Variants in CA10 observed in about 807,000 individuals in gnomAD.
The protein encoded by CA10 is carbonic anhydrase-related protein 10.
A neutral mutation model predicts 44.2 loss-of-function variants in CA10; 14 were observed. The observed-to-expected ratio is 0.32, with a 90% CI of 0.21 to 0.50. CA10 has a LOEUF of 0.50. CA10 is among the 20% of genes least tolerant of loss of function. The probability of loss-of-function intolerance (pLI) is 0.99; values close to 1 mark genes in which losing one functional copy is unlikely to be tolerated. For missense variants in CA10, 350 were observed against 409.7 expected (o/e 0.85, Z 1.26); for synonymous variants, 159 against 141.6 (o/e 1.12, Z -0.87).
rs959671102 is a variant in CA10, at chr17:51,934,370, C to G, written c.137-3238G>C. On this transcript the variant is annotated intron_variant, in intron 2 of 8. Transcript: ENST00000451037. ...TACTGAGCCTCTGCTGCTCTAAACCCCTTCCTCTCCAGCAGGCTCTATACA... is the reference window on the plus strand; with the variant it reads ...TACTGAGCCTCTGCTGCTCTAAACCGCTTCCTCTCCAGCAGGCTCTATACA... Among the ~76,000 whole-genome samples, 9 of 80,590 alleles carry G rather than the reference C, an allele frequency of 1.1e-4. 1 individual carries two copies. Among genetic ancestry groups the G allele is most frequent in the Admixed American group, 2.3e-4 (2 of 8,816 alleles). The allele number at this position is 80,590 out of a possible 152,430, so 52.9% of individuals were successfully genotyped here. A position where few individuals can be genotyped will look rare whatever the true frequency, so the allele number is the denominator to read the frequency against.
At chr17:51,887,397 C>A (rs183136260) in intron 3 of CA10, among the ~76,000 whole-genome samples, 1 of 152,106 alleles carries the variant, frequency 6.6e-6, no homozygotes, top group African/African-American at 2.4e-5. Flanking sequence ...TGAAGGCAGG[C>A]GGGGACTCTG....
chr17:51,728,672 GT>G (rs1916611037), intron 4 of CA10, among the ~76,000 whole-genome samples: 1 of 152,188 alleles, frequency 6.6e-6, no homozygotes, highest in Non-Finnish European at 1.5e-5. Flanking sequence ...CCCTGGTGCA[GT>G]TAGCTTTGAT....
At chr17:51,730,189 A>G (rs940766032) in intron 4 of CA10, among the ~76,000 whole-genome samples, 1 of 152,236 alleles carries the variant, frequency 6.6e-6, no homozygotes, top group Non-Finnish European at 1.5e-5. Flanking sequence ...TGAGGGCAAG[A>G]ATTATGAATT....
At chr17:51,699,858 T>C (rs1567808415) in intron 4 of CA10, among the ~76,000 whole-genome samples, 1 of 152,200 alleles carries the variant, frequency 6.6e-6, no homozygotes, top group African/African-American at 2.4e-5. Flanking sequence ...CAGACAGTTG[T>C]AGGATAAAGA....
chr17:52,091,073 CAG>C (rs1338939197), intron 1 of CA10, among the ~76,000 whole-genome samples: 2 of 151,768 alleles, frequency 1.3e-5, no homozygotes, highest in Admixed American at 1.3e-4. Flanking sequence ...TATGTAAAGA[CAG>C]AAAAATCCTC....
chr17:52,097,513 T>C (rs1399195060), intron 1 of CA10, among the ~76,000 whole-genome samples: 1 of 152,226 alleles, frequency 6.6e-6, no homozygotes, highest in East Asian at 1.9e-4. Context: ...TTTTTAAAAT[T>C]GAACCCAAAT....
At chr17:51,677,885 A>AC (rs201803270) in intron 4 of CA10, among the ~76,000 whole-genome samples, 1,881 of 137,832 alleles carry the variant, frequency 0.014, 56 homozygotes, top group East Asian at 0.076. Flanking sequence ...CTAGGTATAC[A>AC]CCCCCCCCCC....
chr17:51,787,329 C>T (rs77863913), intron 3 of CA10, among the ~76,000 whole-genome samples: 2,029 of 152,136 alleles, frequency 0.013, 60 homozygotes, highest in African/African-American at 0.047. Flanking sequence ...TTTGTCTTTT[C>T]AGCCTTTGAA....
At chr17:51,720,374 T>C (rs1333000246) in intron 4 of CA10, among the ~76,000 whole-genome samples, 2 of 152,176 alleles carry the variant, frequency 1.3e-5, no homozygotes, top group Admixed American at 6.5e-5. Flanking sequence ...TCTGAGTTTA[T>C]GCTAATGAGG....
chr17:51,830,954 GGCAAAAACTGCA>G (rs1182385032), intron 3 of CA10, among the ~76,000 whole-genome samples: 4 of 151,874 alleles, frequency 2.6e-5, no homozygotes, highest in Non-Finnish European at 4.4e-5. Context: ...TGAAAGTAAT[GGCAAAAACTGCA>G]GTTACTTTTG....
At chr17:52,057,345 C>T (rs1424216209) in intron 2 of CA10, among the ~76,000 whole-genome samples, 1 of 152,072 alleles carries the variant, frequency 6.6e-6, no homozygotes, top group African/African-American at 2.4e-5. Flanking sequence ...GCCTACTCAA[C>T]ATGAAGACAA....
intron 1 of CA10, among the ~76,000 whole-genome samples, chr17:52,152,619 AACT>A: frequency 1.3e-5 from 2 of 152,264 alleles, no homozygotes; most frequent in East Asian, 3.9e-4. Flanking sequence ...TTAGCATTAC[AACT>A]TTGCATTTAT....
chr17:51,869,006 G>C (rs1031380147), intron 3 of CA10, among the ~76,000 whole-genome samples: 3 of 151,218 alleles, frequency 2.0e-5, no homozygotes, highest in Non-Finnish European at 4.4e-5. Flanking sequence ...TGATGAAAAC[G>C]TATTACTTTA....
At chr17:51,932,108 C>A (rs148614419) in intron 2 of CA10, among the ~76,000 whole-genome samples, 3 of 151,954 alleles carry the variant, frequency 2.0e-5, no homozygotes, top group Admixed American at 6.6e-5. Flanking sequence ...GGCTGAATCT[C>A]GAGGAAGGCA....
intron 1 of CA10, among the ~76,000 whole-genome samples, chr17:52,139,712 A>T (rs1318184201): frequency 6.6e-6 from 1 of 152,132 alleles, no homozygotes; most frequent in East Asian, 1.9e-4. Flanking sequence ...TCCACATTCA[A>T]ATCTTAGCTT....
At chr17:52,090,113 A>G (rs1436607212) in intron 1 of CA10, among the ~76,000 whole-genome samples, 1 of 152,212 alleles carries the variant, frequency 6.6e-6, no homozygotes, top group African/African-American at 2.4e-5. Flanking sequence ...GTTTTTAAAA[A>G]TTAGCTAGAA....
chr17:51,912,384 C>A (rs1053421545), intron 3 of CA10, among the ~76,000 whole-genome samples: 17 of 152,262 alleles, frequency 1.1e-4, no homozygotes, highest in Admixed American at 9.2e-4. Flanking sequence ...TGCTTAGGGA[C>A]CCCTGGAGTC....
chr17:51,662,313 T>C lies in CA10; in HGVS notation c.466-8577A>G, dbSNP rs59326506. ...CAGAAGTCCAGAGATGAATGCTGTA[T>C]ATTCCATAGCCTAAAACAGCTCACC... On this transcript the variant is annotated intron_variant, in intron 4 of 8. Transcript: ENST00000451037. Among the ~76,000 whole-genome samples, 1,089 of 152,316 alleles carry C rather than the reference T, an allele frequency of 7.1e-3. 12 individuals are homozygous for C. Among genetic ancestry groups the C allele is most frequent in the African/African-American group, 0.025 (1,027 of 41,564 alleles).
chr17:52,019,061 G>A (rs1986056650), intron 2 of CA10, among the ~76,000 whole-genome samples: 1 of 151,978 alleles, frequency 6.6e-6, no homozygotes, highest in Non-Finnish European at 1.5e-5. Context: ...AAGCTTCTGG[G>A]GGCCATCACC....
Sources: allele counts gnomAD v4.1 joint callset (sites outside exome capture counted in the v4.1 genomes callset), GRCh38; gene constraint gnomAD v4.1.1; transcripts MANE v1.5; gene names NCBI Gene and HGNC (gene_info 2026-07-23, HGNC 2026-07-21).